The following CLN3 variants were observed in gnomAD, a reference collection of about 807,000 sequenced individuals.
CLN3 encodes the protein CLN3 lysosomal/endosomal transmembrane protein, battenin.
Under a neutral mutation model 60.7 loss-of-function variants are expected in CLN3, and 49 were observed. That is an observed-to-expected ratio of 0.81 (90% confidence interval 0.64 to 1.02). The LOEUF (loss-of-function observed/expected upper bound fraction) is 1.02. Ranked by LOEUF, CLN3 falls within the 50% of genes least tolerant of loss-of-function variation. The probability of loss-of-function intolerance (pLI) is 0.00; values close to 1 mark genes in which losing one functional copy is unlikely to be tolerated. For synonymous variants in CLN3, 256 were observed against 245.8 expected (o/e 1.04, Z -0.39); for missense variants, 516 against 557.4 (o/e 0.93, Z 0.75).
At chr16:28,486,030 C>T (rs1469082104) in intron 9 of CLN3, among the ~76,000 whole-genome samples, 1 of 150,564 alleles carries the variant, frequency 6.6e-6, no homozygotes, top group Non-Finnish European at 1.5e-5. Context: ...CAGAGTCTAA[C>T]TCTGTCGCCC....
rs752022906 is a variant in CLN3 at position 28,482,419 on chromosome 16, T to C, written c.907-37A>G. 3.1e-6 allele frequency: 5 copies of C among 1,613,794 alleles called. No homozygotes were observed. The South Asian group carries it at 4.4e-5, about 14-fold the overall frequency. ...ACCAGACAGGGGAGATGGACGGGGCTGTGTGGGTCCCAGCCCCAATCGCCA... is the reference window on the plus strand; with the variant it reads ...ACCAGACAGGGGAGATGGACGGGGCCGTGTGGGTCCCAGCCCCAATCGCCA... On this transcript the variant is annotated intron_variant, in intron 12 of 15. Coordinates refer to ENST00000636147, the MANE Select transcript of CLN3 (RefSeq NM_001042432.2).
chr16:28,485,870 G>A (rs946576800), intron 9 of CLN3, among the ~76,000 whole-genome samples: 3 of 152,028 alleles, frequency 2.0e-5, no homozygotes, highest in South Asian at 2.1e-4. Flanking sequence ...CTTGTTCAAC[G>A]CTACAAAGCT....
intron 14 of CLN3, among the ~76,000 whole-genome samples, chr16:28,478,170 T>C (rs1330324275): frequency 6.6e-6 from 1 of 151,740 alleles, no homozygotes; most frequent in East Asian, 1.9e-4. Flanking sequence ...ATTATCTGGG[T>C]GTAGTGGTTC....
At chr16:28,470,716 G>T (rs1405778323), downstream of CLN3, among the ~76,000 whole-genome samples, 2 of 150,888 alleles carry the variant, frequency 1.3e-5, no homozygotes, top group East Asian at 3.9e-4. Context: ...AGGAGGTGGA[G>T]GAGGAGAAGA....
At chr16:28,488,933 A>T (rs533660168) in intron 4 of CLN3, among the ~76,000 whole-genome samples, 1 of 152,104 alleles carries the variant, frequency 6.6e-6, no homozygotes, top group African/African-American at 2.4e-5. Context: ...ATGGTGTCTC[A>T]CTCTGTTGCC....
downstream of CLN3, among the ~76,000 whole-genome samples, chr16:28,472,380 G>A (rs972004973): frequency 6.6e-6 from 1 of 151,996 alleles, no homozygotes; most frequent in Non-Finnish European, 1.5e-5. Context: ...CAAAAACCCT[G>A]TCTCTAAACA....
chr16:28,487,474 C>T lies in CLN3; in HGVS notation c.442G>A (p.Val148Met). The change falls in exon 7 of 16, where the codon GTG becomes ATG. Residue 148 changes from valine to methionine, a missense_variant. Val to Met is a conservative substitution (Grantham distance 21, BLOSUM62 1). Coordinates refer to ENST00000636147, the MANE Select transcript of CLN3 (RefSeq NM_001042432.2). ...CACTCACCACACAGGCTGGTCCCCA[C>T]AGAATGAGAAAAGGCAACCAGGACG... ...SFVLVAFSHS[V>M]GTSLCGVVFA... is the part of the protein sequence containing the mutation. 6.2e-7 allele frequency: 1 copy of T among 1,613,916 alleles called. No individual in the cohort carries two copies. Among genetic ancestry groups the T allele is most frequent in the Non-Finnish European group, 8.5e-7 (1 of 1,179,940 alleles).
intron 14 of CLN3, among the ~76,000 whole-genome samples, chr16:28,480,426 A>G (rs1048204774): frequency 2.7e-5 from 4 of 149,494 alleles, no homozygotes; most frequent in Admixed American, 6.7e-5. Context: ...TTGGAGATGG[A>G]GTCTCGCTCT....
chr16:28,476,980 T>C (rs1358100356), downstream of CLN3: 1 of 180,892 alleles, frequency 5.5e-6, no homozygotes, highest in African/African-American at 2.4e-5. Context: ...GTACTAAAAA[T>C]ATAAAAATTA....
chr16:28,479,302 CTAGCCAGGTGTGG>C (rs1357393218), intron 14 of CLN3, among the ~76,000 whole-genome samples: 1 of 152,164 alleles, frequency 6.6e-6, no homozygotes, highest in Non-Finnish European at 1.5e-5. Context: ...GGACACACCT[CTAGCCAGGTGTGG>C]TGGCTCACAC....
At chr16:28,479,042 C>G (rs1437626996) in intron 14 of CLN3, among the ~76,000 whole-genome samples, 1 of 152,154 alleles carries the variant, frequency 6.6e-6, no homozygotes, top group Non-Finnish European at 1.5e-5. Flanking sequence ...GGCCAGGAAG[C>G]CTCTTCGATC....
chr16:28,491,048 A>T (rs1042637731), intron 3 of CLN3: 6 of 156,058 alleles, frequency 3.8e-5, no homozygotes, highest in African/African-American at 1.4e-4. Context: ...CCAACCTGGG[A>T]AACAGAGCAA....
chr16:28,470,525 G>GAT (rs2045939503), downstream of CLN3: 3 of 728,648 alleles, frequency 4.1e-6, no homozygotes, highest in Admixed American at 2.7e-5. Flanking sequence ...GACGGGGACC[G>GAT]GGGCCGGATC....
chr16:28,478,039 T>G (rs920300663), intron 14 of CLN3, among the ~76,000 whole-genome samples, 162 bp from the exon 15 acceptor site: 3 of 152,116 alleles, frequency 2.0e-5, no homozygotes, highest in Non-Finnish European at 4.4e-5. Flanking sequence ...GGCTCACACC[T>G]GTAATCCCAG....
At position 28,483,999 on chromosome 16, in the gene CLN3, C is replaced by T. The variant is rs2046156095; in HGVS notation, c.790+7G>A. ...AAGTGACCTCTCTGAGGGTCTGTGT[C>T]TCCTACCTGGCTTCGACTCCGGGGC... On this transcript the variant is annotated splice_region_variant and intron_variant, in intron 10 of 15. Coordinates refer to ENST00000636147, the MANE Select transcript of CLN3 (RefSeq NM_001042432.2). 1 of 1,599,408 alleles carries T rather than the reference C, an allele frequency of 6.3e-7. No homozygotes were observed. Among genetic ancestry groups the T allele is most frequent in the Non-Finnish European group, 8.5e-7 (1 of 1,172,002 alleles).
intron 4 of CLN3, 60 bp downstream of exon 4, chr16:28,489,230 C>A: frequency 7.4e-7 from 1 of 1,342,774 alleles, no homozygotes; most frequent in Non-Finnish European, 1.1e-6. Context: ...CCCACCTTGT[C>A]CCACCCCCTC....
intron 7 of CLN3, 97 bp from the exon 8 acceptor site, chr16:28,486,747 A>T (rs2046227175): frequency 8.4e-7 from 1 of 1,184,968 alleles, no homozygotes; most frequent in African/African-American, 1.5e-5. Context: ...GTATCAGCTC[A>T]TAGAGGCTCC....
the CLN3 span, among the ~76,000 whole-genome samples, chr16:28,468,806 CA>C: frequency 0.023 from 565 of 24,394 alleles, 13 homozygotes; most frequent in East Asian, 0.074. Flanking sequence ...GACTCTGTCT[CA>C]AAAAAAAAAA....
chr16:28,475,850 A>G (rs2045987997), downstream of CLN3: 1 of 152,102 alleles, frequency 6.6e-6, no homozygotes, highest in Non-Finnish European at 1.5e-5. Flanking sequence ...AGAAAGGGTA[A>G]CAATGAAGTA....
Sources: gnomAD v4.1 joint callset for allele counts (sites outside exome capture counted in the v4.1 genomes callset) on GRCh38, gnomAD v4.1.1 for gene constraint, MANE v1.5 for transcripts, NCBI Gene and HGNC (gene_info 2026-07-23, HGNC 2026-07-21) for gene names.